The following TACC3 variants were observed in gnomAD, a reference collection of about 807,000 sequenced individuals.
TACC3 encodes the protein transforming acidic coiled-coil containing protein 3.
TACC3 carries 52 observed loss-of-function variants against 86.0 expected under a neutral mutation model. The ratio of observed to expected loss-of-function variants is 0.60; its 90% CI spans 0.48 to 0.76. The LOEUF (loss-of-function observed/expected upper bound fraction) is 0.76. Among genes scored for constraint, TACC3 ranks in the 30% least tolerant of loss-of-function variants. The probability of loss-of-function intolerance (pLI) is 0.00; values close to 1 mark genes in which losing one functional copy is unlikely to be tolerated. For synonymous variants in TACC3, 512 were observed against 430.0 expected (o/e 1.19, Z -2.36); for missense variants, 1,120 against 1,070.4 (o/e 1.05, Z -0.65).
chr4:1,730,855 G>T (rs1235792278), intron 4 of TACC3, 32 bp from the exon 5 acceptor site: 5 of 1,606,584 alleles, frequency 3.1e-6, no homozygotes. Context: ...TGGGGTGGGG[G>T]GCATGGGCCT....
In TACC3 at chr4:1,735,763, A is replaced by G. The variant is rs1283049294; in HGVS notation, c.1677A>G (p.Leu559=). 1.2e-6 allele frequency: 2 copies of G among 1,613,174 alleles called. No homozygotes were observed. Among genetic ancestry groups the G allele is most frequent in the South Asian group, 2.2e-5 (2 of 91,054 alleles). Residue 559 remains leucine (L), a synonymous_variant, in exon 8 of 16, where the codon TTA becomes TTG. Coordinates refer to ENST00000313288, the MANE Select transcript of TACC3 (RefSeq NM_006342.3). The surrounding 1 kb of genome is among the most constrained non-coding windows in gnomAD (Gnocchi z 4.2). ...FKESALRKQS[L]YLKFDPLLRD... is the part of the protein sequence containing the mutation. ...AGTCGGCCTTGAGGAAGCAGTCCTT[A>G]TACCTCAAGTTCGACCCCCTCCTGA...
intron 3 of TACC3, among the ~76,000 whole-genome samples, chr4:1,725,500 T>A (rs1270149441): frequency 2.6e-5 from 4 of 152,208 alleles, no homozygotes; most frequent in African/African-American, 9.7e-5. Flanking sequence ...CAAACATTGG[T>A]TTACAACGAC....
intron 13 of TACC3, chr4:1,741,313 A>G (rs1718589546): frequency 9.6e-6 from 2 of 208,328 alleles, no homozygotes; most frequent in African/African-American, 2.3e-5. Flanking sequence ...CACCTCGGAA[A>G]GGTGTCTGGG....
Position 1,735,931 on chromosome 4 carries a change from G to C in TACC3, c.1748+97G>C, listed in dbSNP as rs112569194. On this transcript the variant is annotated intron_variant, in intron 8 of 15. Coordinates refer to ENST00000313288, the MANE Select transcript of TACC3 (RefSeq NM_006342.3). The surrounding 1 kb of genome is among the most constrained non-coding windows in gnomAD (Gnocchi z 4.2). ...CTGTCTGCACAGAGGCTTCTAGACCGGGGGGAGATGATCAGAACTGGAAAG... is the reference window on the plus strand; with the variant it reads ...CTGTCTGCACAGAGGCTTCTAGACCCGGGGGAGATGATCAGAACTGGAAAG... The C allele has an allele frequency of 3.0e-5, 26 of 855,854 alleles. No homozygotes were observed. Among genetic ancestry groups the C allele is most frequent in the South Asian group, 1.5e-4 (9 of 61,800 alleles). 53.0% of individuals were successfully genotyped at this position (855,854 alleles called of 1,614,324 possible). A position where few individuals can be genotyped will look rare whatever the true frequency, so the allele number is the denominator to read the frequency against.
At chr4:1,734,970 G>C (rs1718181604) in intron 6 of TACC3, among the ~76,000 whole-genome samples, 1 of 152,250 alleles carries the variant, frequency 6.6e-6, no homozygotes, top group African/African-American at 2.4e-5. Flanking sequence ...TAATTTTAAA[G>C]ACTAATAGTT....
chr4:1,744,409 C>G, intron 13 of TACC3, 109 bp from the exon 14 acceptor site: 1 of 1,016,274 alleles, frequency 9.8e-7, no homozygotes, highest in Non-Finnish European at 1.5e-6. Flanking sequence ...TACTGGCTCA[C>G]GGCTGATGCC....
chr4:1,737,206 G>A (rs759496229), intron 8 of TACC3, 35 bp from the exon 9 acceptor site: 2 of 1,562,586 alleles, frequency 1.3e-6, no homozygotes, highest in Non-Finnish European at 1.8e-6. Flanking sequence ...CACTGGGAGG[G>A]CCTAGTGACT....
Position 1,728,099 on chromosome 4 carries a change from G to T in TACC3, c.697G>T (p.Glu233Ter). The T allele has an allele frequency of 6.2e-7, 1 of 1,612,384 alleles. No individual in the cohort carries two copies. Among genetic ancestry groups the T allele is most frequent in the South Asian group, 1.1e-5 (1 of 90,996 alleles). Residue 233 changes from glutamate to a stop codon, truncating the protein, a stop_gained, in exon 4 of 16, where the codon GAG (glutamate) becomes TAG (stop). Coordinates refer to ENST00000313288, the MANE Select transcript of TACC3 (RefSeq NM_006342.3). LOFTEE classifies it high-confidence loss of function. ...ECKAETPHGA[E>*]EECRHGGVCA... ...CAAAGCGGAGACTCCGCACGGAGCC[G>T]AGGAGGAATGCCGGCACGGTGGGGT...
At chr4:1,720,671 G>C, upstream of TACC3, 1 of 1,548,242 alleles carries the variant, frequency 6.5e-7, no homozygotes, top group Non-Finnish European at 8.7e-7. The surrounding 1 kb of genome is among the most constrained non-coding windows in gnomAD (Gnocchi z 4.4). Flanking sequence ...CGTGGCGGCC[G>C]TGCGGCGCAA....
Position 1,728,336 on chromosome 4 carries a change from A to C in TACC3, c.934A>C (p.Arg312=). The change falls in exon 4 of 16, where the codon AGG becomes CGG. Residue 312 remains arginine (R), a synonymous_variant. Transcript: ENST00000313288. ...CCCAACCAACCACCTGGTGGCTGGC[A>C]GGGCCATGACCCTGAGTCCTCAGGA... ...TAPTNHLVAG[R]AMTLSPQEEV... 1 of 1,613,090 alleles carries C rather than the reference A, an allele frequency of 6.2e-7. No individual in the cohort carries two copies. Among genetic ancestry groups the C allele is most frequent in the South Asian group, 1.1e-5 (1 of 91,090 alleles).
intron 13 of TACC3, among the ~76,000 whole-genome samples, chr4:1,743,534 CAG>C (rs1439249407): frequency 2.2e-5 from 3 of 137,496 alleles, no homozygotes; most frequent in East Asian, 4.3e-4. Flanking sequence ...GCCTGAGTGA[CAG>C]AGTGAGTCTC....
In TACC3 at chr4:1,727,936, T is replaced by C. The variant is rs1321621230; in HGVS notation, c.534T>C (p.Pro178=). The C allele has an allele frequency of 1.9e-6, 3 of 1,613,870 alleles. No individual in the cohort carries two copies. The highest frequency in any genetic ancestry group is 2.5e-6 in the Non-Finnish European group (3 of 1,180,030). Residue 178 remains proline (P), a synonymous_variant, in exon 4 of 16, where the codon CCT becomes CCC. Transcript: ENST00000313288. The stretch of plus-strand genomic sequence containing the variant: ...CTCCAGGAAAAGTGTCTGGCAGCCC[T>C]GAGCAAGCCGTGGAGGAAAACCTTA... The part of the protein sequence containing the change: ...MVSPGKVSGS[P]EQAVEENLSS...
At chr4:1,724,379 CTTTTTTTTTTT>C (rs35896374) in intron 3 of TACC3, among the ~76,000 whole-genome samples, 1 of 108,384 alleles carries the variant, frequency 9.2e-6, no homozygotes, top group Non-Finnish European at 1.8e-5. Context: ...TCATACTTCA[CTTTTTTTTTTT>C]TTTTTTTTTT....
chr4:1,733,551 C>T (rs908431627), intron 6 of TACC3, among the ~76,000 whole-genome samples: 4 of 151,790 alleles, frequency 2.6e-5, no homozygotes, highest in Non-Finnish European at 4.4e-5. Context: ...CCCAGCTGCT[C>T]GGGAAGCTGA....
intron 10 of TACC3, 182 bp downstream of exon 10, chr4:1,737,884 G>A (rs1439827725): frequency 1.4e-6 from 1 of 706,680 alleles, no homozygotes; most frequent in Non-Finnish European, 2.5e-6. Context: ...GTCGCTGAGG[G>A]TCCAGGCTTC....
chr4:1,729,900 T>C (rs533277440), intron 4 of TACC3, among the ~76,000 whole-genome samples: 4 of 152,302 alleles, frequency 2.6e-5, no homozygotes, highest in Admixed American at 2.6e-4. Context: ...CAAGTGCTGG[T>C]GTTACCGCTA....
In TACC3 at chr4:1,735,131, C is replaced by T. The variant is rs765604470; in HGVS notation, c.1592-142C>T. ...GCGCCTGCCGCAGACAGCAGTCAGGCCCCGAACATCCACACCTCCAAGGGA... is the reference window on the plus strand; with the variant it reads ...GCGCCTGCCGCAGACAGCAGTCAGGTCCCGAACATCCACACCTCCAAGGGA... On this transcript the variant is annotated intron_variant, in intron 6 of 15. Transcript: ENST00000313288. This position sits in a 1 kb window ranked among gnomAD's most constrained non-coding sequence, Gnocchi z 4.2. The T allele has an allele frequency of 1.5e-5, 17 of 1,164,660 alleles. No individual in the cohort carries two copies. The African/African-American group carries it at 2.4e-4, about 17-fold the overall frequency. 72.1% of individuals were successfully genotyped at this position (1,164,660 alleles called of 1,614,324 possible). A position where few individuals can be genotyped will look rare whatever the true frequency, so the allele number is the denominator to read the frequency against.
At chr4:1,739,620 C>A in intron 10 of TACC3, 82 bp from the exon 11 acceptor site, 2 of 1,315,170 alleles carry the variant, frequency 1.5e-6, no homozygotes, top group Non-Finnish European at 2.1e-6. Context: ...ACCTCGGGTG[C>A]GGGCTGGCCC....
chr4:1,726,070 C>G (rs1303123408), intron 3 of TACC3, among the ~76,000 whole-genome samples: 2 of 152,226 alleles, frequency 1.3e-5, no homozygotes. Flanking sequence ...GGCTGGGGAA[C>G]AGGTGAAACA....
Sources: gnomAD v4.1 joint callset for allele counts (sites outside exome capture counted in the v4.1 genomes callset) on GRCh38, gnomAD v4.1.1 for gene constraint, Gnocchi (gnomAD v3.1) non-coding constraint, MANE v1.5 for transcripts, NCBI Gene and HGNC (gene_info 2026-07-23, HGNC 2026-07-21) for gene names.